TMEM232: variants seen among roughly 807,000 people sequenced by gnomAD.
The protein encoded by TMEM232 is transmembrane protein 232.
A neutral mutation model predicts 78.8 loss-of-function variants in TMEM232; 80 were observed. The observed-to-expected ratio is 1.01, with a 90% confidence interval of 0.85 to 1.22. The LOEUF (loss-of-function observed/expected upper bound fraction) is 1.22, where lower values mean the gene tolerates loss of function less well. Among genes scored for constraint, TMEM232 ranks in the 50% most tolerant of loss-of-function variants. The pLI is 0.00. For missense variants in TMEM232, 881 were observed against 742.2 expected (o/e 1.19, Z -2.17); for synonymous variants, 297 against 254.3 (o/e 1.17, Z -1.60).
chr5:110,417,645 G>A (rs563741723), downstream of TMEM232: 98 of 118,388 alleles, frequency 8.3e-4, 1 homozygote, highest in African/African-American at 4.4e-3. Flanking sequence ...TTTTGTCCGG[G>A]GTAAAATAAA....
At chr5:110,651,331 C>T (rs1439068881) in intron 2 of TMEM232, among the ~76,000 whole-genome samples, 1 of 151,230 alleles carries the variant, frequency 6.6e-6, no homozygotes, top group East Asian at 2.0e-4. Flanking sequence ...AGTCAGGGAA[C>T]ATCATGAGGG....
chr5:110,415,132 T>C (rs2112588494), downstream of TMEM232, among the ~76,000 whole-genome samples: 1 of 151,950 alleles, frequency 6.6e-6, no homozygotes, highest in East Asian at 1.9e-4. Context: ...CCCACACCCC[T>C]TCTCCTGAGG....
intron 8 of TMEM232, among the ~76,000 whole-genome samples, chr5:110,610,216 A>AAGGG (rs201558597): frequency 0.011 from 1,419 of 131,424 alleles, 51 homozygotes; most frequent in African/African-American, 0.044. Flanking sequence ...GGAAGGAAGG[A>AAGGG]AGGGAGGGAG....
chr5:110,545,063 A>G (rs1257252862), intron 11 of TMEM232, among the ~76,000 whole-genome samples: 1 of 152,160 alleles, frequency 6.6e-6, no homozygotes, highest in Non-Finnish European at 1.5e-5. Context: ...TTTGCTTCAC[A>G]AGGTTATGGT....
At chr5:110,446,524 A>G (rs370876557) in intron 12 of TMEM232, among the ~76,000 whole-genome samples, 3 of 152,010 alleles carry the variant, frequency 2.0e-5, no homozygotes, top group African/African-American at 7.3e-5. Flanking sequence ...TTGGGGAAAC[A>G]GGGGTATATA....
At chr5:110,662,658 A>C (rs778019163) in intron 2 of TMEM232, among the ~76,000 whole-genome samples, 15 of 152,274 alleles carry the variant, frequency 9.9e-5, no homozygotes, top group Non-Finnish European at 2.1e-4. Context: ...AGTGAAGCAG[A>C]CTATAGAGCA....
At chr5:110,723,453 A>G (rs1341737921) in intron 1 of TMEM232, among the ~76,000 whole-genome samples, 1 of 152,188 alleles carries the variant, frequency 6.6e-6, no homozygotes, top group African/African-American at 2.4e-5. Flanking sequence ...TAGTACATTG[A>G]TCACAAGTTG....
At chr5:110,526,767 T>C (rs937427590) in intron 12 of TMEM232, among the ~76,000 whole-genome samples, 2 of 151,960 alleles carry the variant, frequency 1.3e-5, no homozygotes, top group African/African-American at 4.8e-5. Flanking sequence ...CTTTGTGGCA[T>C]TGTGTCTAGT....
chr5:110,602,937 T>C (rs962924310), intron 10 of TMEM232, among the ~76,000 whole-genome samples: 2 of 152,160 alleles, frequency 1.3e-5, no homozygotes, highest in Admixed American at 6.6e-5. Context: ...GTGGCACATA[T>C]ACACCATGGA....
intron 2 of TMEM232, among the ~76,000 whole-genome samples, chr5:110,400,061 A>G (rs1194381841): frequency 6.6e-6 from 1 of 152,118 alleles, no homozygotes; most frequent in Non-Finnish European, 1.5e-5. Flanking sequence ...ATCTCATGAC[A>G]CGGCCTATGG....
intron 12 of TMEM232, among the ~76,000 whole-genome samples, chr5:110,429,087 A>C (rs560119603): frequency 2.6e-5 from 4 of 151,984 alleles, no homozygotes; most frequent in African/African-American, 9.6e-5. Context: ...AAAAATAATA[A>C]GAAGAAAAAG....
chr5:110,581,462 T>C (rs780053554), intron 10 of TMEM232, among the ~76,000 whole-genome samples: 10 of 151,944 alleles, frequency 6.6e-5, no homozygotes, highest in African/African-American at 2.2e-4. Flanking sequence ...TTGCTAGCTA[T>C]AGGCAGAAGA....
chr5:110,496,835 T>C (rs1394173595), intron 12 of TMEM232, among the ~76,000 whole-genome samples: 1 of 152,004 alleles, frequency 6.6e-6, no homozygotes, highest in African/African-American at 2.4e-5. Context: ...CTAAAGAATA[T>C]AATTCTATGT....
chr5:110,656,707 G>A (rs974726611), intron 2 of TMEM232, among the ~76,000 whole-genome samples: 1 of 151,860 alleles, frequency 6.6e-6, no homozygotes, highest in Non-Finnish European at 1.5e-5. Flanking sequence ...CGTGGTGGCA[G>A]GGCACCGGTA....
chr5:110,714,837 C>G lies in TMEM232; in HGVS notation c.-13+11790G>C, dbSNP rs181517156. On this transcript the variant is annotated intron_variant, in intron 1 of 13. Coordinates refer to ENST00000455884, the MANE Select transcript of TMEM232 (RefSeq NM_001039763.4). The stretch of plus-strand genomic sequence containing the variant: ...GGTGCCTTTCCTTAGGAAATTAAAT[C>G]TAGAGAAAAAGGACTGACCTATAAA... Among the ~76,000 whole-genome samples, 21 of 152,124 alleles carry G rather than the reference C, an allele frequency of 1.4e-4. No individual in the cohort carries two copies. In the East Asian group the frequency reaches 3.7e-3, roughly 27 times the overall value.
At chr5:110,388,904 G>A (rs1192296508) in intron 4 of TMEM232, among the ~76,000 whole-genome samples, 1 of 152,180 alleles carries the variant, frequency 6.6e-6, no homozygotes, top group Non-Finnish European at 1.5e-5. Context: ...GTACTTTCAT[G>A]TGAGTTAGAG....
chr5:110,395,926 A>G (rs1294570365), intron 3 of TMEM232, among the ~76,000 whole-genome samples: 1 of 152,172 alleles, frequency 6.6e-6, no homozygotes, highest in Admixed American at 6.6e-5. Context: ...TACACTATGA[A>G]GTAAATTTGG....
chr5:110,514,940 C>A (rs10051407), intron 12 of TMEM232, among the ~76,000 whole-genome samples: 22,405 of 152,016 alleles, frequency 0.15, 2,026 homozygotes, highest in African/African-American at 0.25. Flanking sequence ...AAAAATCATA[C>A]GGCAGAAATT....
chr5:110,508,613 A>T (rs550526013), intron 12 of TMEM232, among the ~76,000 whole-genome samples: 1 of 150,454 alleles, frequency 6.6e-6, no homozygotes, highest in Non-Finnish European at 1.5e-5. Flanking sequence ...TGCTTAGAGG[A>T]TCTTTTGAGT....
Sources: allele counts gnomAD v4.1 joint callset (sites outside exome capture counted in the v4.1 genomes callset), GRCh38; gene constraint gnomAD v4.1.1; transcripts MANE v1.5; gene names NCBI Gene and HGNC (gene_info 2026-07-23, HGNC 2026-07-21).